The following SLC25A21 variants were observed in gnomAD, a reference collection of about 807,000 sequenced individuals.
The protein encoded by SLC25A21 is mitochondrial 2-oxodicarboxylate carrier.
A neutral mutation model predicts 43.8 loss-of-function variants in SLC25A21; 47 were observed. That is an observed-to-expected ratio of 1.07 (90% CI 0.85 to 1.37). The LOEUF (loss-of-function observed/expected upper bound fraction) is 1.37. SLC25A21 is among the 40% of genes most tolerant of loss of function. The probability of loss-of-function intolerance (pLI) is 0.00; values close to 1 mark genes in which losing one functional copy is unlikely to be tolerated. For synonymous variants in SLC25A21, 131 were observed against 121.3 expected, an observed-to-expected ratio of 1.08 and a Z score of -0.52; for missense variants, 352 against 350.2, an observed-to-expected ratio of 1.00 and a Z score of -0.04.
intron 5 of SLC25A21, among the ~76,000 whole-genome samples, chr14:36,726,164 T>C (rs1884592848): frequency 6.6e-6 from 1 of 152,256 alleles, no homozygotes; most frequent in Non-Finnish European, 1.5e-5. Flanking sequence ...TTTAACTCTA[T>C]GTTCATGTTT....
At chr14:37,161,997 A>T (rs1425358072) in intron 1 of SLC25A21, among the ~76,000 whole-genome samples, 1 of 147,810 alleles carries the variant, frequency 6.8e-6, no homozygotes, top group East Asian at 2.0e-4. Context: ...ATCTAATATT[A>T]AAAAAAAAAT....
chr14:36,796,346 G>GTAAT (rs1887668305), intron 3 of SLC25A21, among the ~76,000 whole-genome samples: 1 of 144,620 alleles, frequency 6.9e-6, no homozygotes, highest in East Asian at 1.9e-4. Context: ...AGACAGTATG[G>GTAAT]TAATTTATTT....
chr14:37,170,744 T>C (rs1964109678), intron 1 of SLC25A21, among the ~76,000 whole-genome samples: 1 of 150,224 alleles, frequency 6.7e-6, no homozygotes, highest in Non-Finnish European at 1.5e-5. Context: ...CTGGACAACA[T>C]GGTGAAACCC....
chr14:36,808,470 T>G (rs1415252565), intron 3 of SLC25A21, among the ~76,000 whole-genome samples: 1 of 152,162 alleles, frequency 6.6e-6, no homozygotes, highest in African/African-American at 2.4e-5. Flanking sequence ...TAAAGCTGCT[T>G]TAAGTCGCTG....
chr14:37,001,968 A>G (rs1960499045), intron 1 of SLC25A21, among the ~76,000 whole-genome samples: 1 of 152,186 alleles, frequency 6.6e-6, no homozygotes, highest in Non-Finnish European at 1.5e-5. Flanking sequence ...TTACTTGGAA[A>G]GAAAATGTGG....
intron 1 of SLC25A21, among the ~76,000 whole-genome samples, chr14:36,985,993 A>C (rs1158024774): frequency 1.3e-5 from 2 of 152,146 alleles, no homozygotes; most frequent in Non-Finnish European, 2.9e-5. Flanking sequence ...AATATAAGAC[A>C]CTACAAAGCT....
At chr14:37,048,056 A>T (rs533667990) in intron 1 of SLC25A21, among the ~76,000 whole-genome samples, 1 of 152,312 alleles carries the variant, frequency 6.6e-6, no homozygotes, top group East Asian at 1.9e-4. Flanking sequence ...TTAGACAGAA[A>T]AATATTGTTC....
chr14:36,698,515 C>T (rs1488765221), intron 7 of SLC25A21, among the ~76,000 whole-genome samples: 1 of 152,194 alleles, frequency 6.6e-6, no homozygotes, highest in Non-Finnish European at 1.5e-5. Flanking sequence ...TGTTTTCCAA[C>T]TTGGTTCCAT....
intron 1 of SLC25A21, among the ~76,000 whole-genome samples, chr14:37,043,682 G>A (rs1961522281): frequency 6.6e-6 from 1 of 152,076 alleles, no homozygotes; most frequent in African/African-American, 2.4e-5. Context: ...TACAAAGACT[G>A]CAGCACTCAT....
chr14:36,861,030 T>C (rs1050881627), intron 2 of SLC25A21, among the ~76,000 whole-genome samples: 8 of 152,210 alleles, frequency 5.3e-5, no homozygotes, highest in African/African-American at 1.2e-4. Context: ...CCAGAGTATG[T>C]AGAGTTGCAT....
chr14:36,737,905 C>T lies in SLC25A21; in HGVS notation c.204-3332G>A, dbSNP rs567391819. 1.2e-4 allele frequency among the ~76,000 whole-genome samples: 19 copies of T among 152,330 alleles called. No individual in the cohort carries two copies. In the South Asian group the frequency reaches 3.9e-3, roughly 32 times the overall value. ...TTCCAGAATTTAAGCCTAGTTACGTCTGGCCTTTCTCGAATATTGGTATTT... is the reference window on the plus strand; with the variant it reads ...TTCCAGAATTTAAGCCTAGTTACGTTTGGCCTTTCTCGAATATTGGTATTT... On this transcript the variant is annotated intron_variant, in intron 3 of 9. Transcript: ENST00000331299.
chr14:36,857,142 T>C (rs1889923654), intron 2 of SLC25A21, among the ~76,000 whole-genome samples: 1 of 152,204 alleles, frequency 6.6e-6, no homozygotes, highest in South Asian at 2.1e-4. Flanking sequence ...GCCTAAGACA[T>C]GCTTTATCTT....
At chr14:36,743,650 C>A (rs140607659) in intron 3 of SLC25A21, among the ~76,000 whole-genome samples, 1 of 152,232 alleles carries the variant, frequency 6.6e-6, no homozygotes, top group Non-Finnish European at 1.5e-5. Context: ...TGGAACAAGA[C>A]AAGGATGCCC....
chr14:37,154,299 T>C (rs1433580942), intron 1 of SLC25A21, among the ~76,000 whole-genome samples: 2 of 152,138 alleles, frequency 1.3e-5, no homozygotes, highest in Non-Finnish European at 2.9e-5. Context: ...AAGACTACAC[T>C]GCTGCATGCC....
intron 1 of SLC25A21, among the ~76,000 whole-genome samples, chr14:37,147,735 C>T (rs985263571): frequency 1.1e-4 from 17 of 151,626 alleles, no homozygotes; most frequent in African/African-American, 4.1e-4. Flanking sequence ...CTCAAACTCA[C>T]CTAAAACTAC....
chr14:37,123,226 G>A (rs1255577315), intron 1 of SLC25A21, among the ~76,000 whole-genome samples: 2 of 152,150 alleles, frequency 1.3e-5, no homozygotes, highest in African/African-American at 4.8e-5. Flanking sequence ...GGGAGATGGA[G>A]GTAGAAAGGA....
chr14:37,157,940 C>G (rs1963877719), intron 1 of SLC25A21, among the ~76,000 whole-genome samples: 1 of 152,054 alleles, frequency 6.6e-6, no homozygotes, highest in African/African-American at 2.4e-5. Flanking sequence ...CAAAGATCAT[C>G]AGAGACTGTA....
chr14:36,955,458 G>T (rs1169955386), intron 1 of SLC25A21, among the ~76,000 whole-genome samples: 2 of 152,122 alleles, frequency 1.3e-5, no homozygotes, highest in Non-Finnish European at 2.9e-5. Context: ...ATACTGGAAA[G>T]GACACTTGGG....
chr14:37,089,663 T>C (rs373462456), intron 1 of SLC25A21, among the ~76,000 whole-genome samples: 125 of 152,262 alleles, frequency 8.2e-4, no homozygotes, highest in African/African-American at 2.7e-3. Context: ...GGATCTTTTG[T>C]CACAAGGCAA....
Sources: gnomAD v4.1 joint callset for allele counts (sites outside exome capture counted in the v4.1 genomes callset) on GRCh38, gnomAD v4.1.1 for gene constraint, MANE v1.5 for transcripts, NCBI Gene and HGNC (gene_info 2026-07-23, HGNC 2026-07-21) for gene names.